Variants in BTD observed in about 807,000 individuals in gnomAD.
BTD encodes the protein biocytinase.
A neutral mutation model predicts 17.7 loss-of-function variants in BTD; 13 were observed. The ratio of observed to expected loss-of-function variants is 0.74; its 90% CI spans 0.48 to 1.17. The LOEUF is 1.17. BTD is among the 50% of genes most tolerant of loss of function. BTD has a pLI of 0.00. For synonymous variants in BTD, 240 were observed against 245.2 expected (o/e 0.98, Z 0.20); for missense variants, 674 against 650.4 (o/e 1.04, Z -0.39).
rs745926309 is a variant in BTD at position 15,685,298 on chromosome 3, C to T, written c.400-24762C>T. Reference sequence around the variant, plus strand: ...GTGGCTGGATTTGCATCCATAGATGCTGCTGACTGCAAAAGGGCTCCAAGA... The same window carrying T: ...GTGGCTGGATTTGCATCCATAGATGTTGCTGACTGCAAAAGGGCTCCAAGA... On this transcript the variant is annotated intron_variant, in intron 3 of 3. Coordinates refer to the BTD transcript ENST00000672141. 5 of 1,614,000 alleles carry T rather than the reference C, an allele frequency of 3.1e-6. No individual in the cohort carries two copies. The Admixed American group carries it at 6.7e-5, about 22-fold the overall frequency.
chr3:15,717,015 T>G (rs940272978), downstream of BTD, among the ~76,000 whole-genome samples: 5 of 152,238 alleles, frequency 3.3e-5, no homozygotes, highest in Non-Finnish European at 5.9e-5. Flanking sequence ...ATATATATTA[T>G]TTAATTCTCA....
chr3:15,698,175 G>A (rs1054399565), intron 3 of BTD, among the ~76,000 whole-genome samples: 26 of 152,124 alleles, frequency 1.7e-4, no homozygotes, highest in South Asian at 2.1e-4. Flanking sequence ...AAAGGCCTTC[G>A]ACAAAATTCA....
chr3:15,687,195 G>A lies in BTD; in HGVS notation c.400-22865G>A, dbSNP rs543697015. Among the ~76,000 whole-genome samples the A allele has an allele frequency of 8.6e-5, 13 of 151,712 alleles. No individual in the cohort carries two copies. In the South Asian group the frequency reaches 1.3e-3, roughly 15 times the overall value. ...CCTGACCTCATGATCCACCCACCTC[G>A]GCCTCCCAAAGTGCTGGGATTACAG... is the stretch of plus-strand genomic sequence containing the variant. On this transcript the variant is annotated intron_variant, in intron 3 of 3. Transcript: ENST00000672141.
Position 15,603,028 on chromosome 3 carries a change from T to G in BTD, c.-17+1134T>G, listed in dbSNP as rs556915956. ...AGAGCGTGTGCAGGGGAACTGCCCT[T>G]TATAAAACCATCAGATCTCATGAGA... On this transcript the variant is annotated intron_variant, in intron 1 of 3. Transcript: ENST00000643237. 2.2e-4 allele frequency among the ~76,000 whole-genome samples: 34 copies of G among 152,102 alleles called. No homozygotes were observed. The South Asian group carries it at 6.7e-3, about 30-fold the overall frequency.
intron 3 of BTD, 75 bp downstream of exon 3, chr3:15,642,132 A>G: frequency 6.3e-7 from 1 of 1,588,154 alleles, no homozygotes; most frequent in Non-Finnish European, 8.6e-7. Flanking sequence ...AAGCTGTGAC[A>G]TGTTAACTAA....
intron 2 of BTD, among the ~76,000 whole-genome samples, chr3:15,640,468 G>A (rs1283650117): frequency 1.3e-5 from 2 of 150,802 alleles, no homozygotes; most frequent in Admixed American, 6.6e-5. Flanking sequence ...TCAGCTCACC[G>A]CAACCTCTGC....
At chr3:15,683,151 T>C (rs747488491) in intron 3 of BTD, among the ~76,000 whole-genome samples, 1 of 152,192 alleles carries the variant, frequency 6.6e-6, no homozygotes, top group Non-Finnish European at 1.5e-5. Context: ...AGGAAAAATA[T>C]CTCACTGTGT....
At position 15,651,063 on chromosome 3, in the gene BTD, C is replaced by T. The variant is rs975346275; in HGVS notation, c.*5575C>T. The stretch of plus-strand genomic sequence containing the variant: ...GATTACAGGCGTGAGCCACCGTACC[C>T]GGCCAGGGCTGTGATATTCTGATCA... On this transcript the variant is annotated 3_prime_UTR_variant, in exon 4 of 4. Transcript: ENST00000643237. Among the ~76,000 whole-genome samples, 3 of 152,178 alleles carry T rather than the reference C, an allele frequency of 2.0e-5. No individual in the cohort carries two copies. Among genetic ancestry groups the T allele is most frequent in the African/African-American group, 7.2e-5 (3 of 41,444 alleles).
chr3:15,712,908 A>C (rs2072511475), downstream of BTD, among the ~76,000 whole-genome samples: 2 of 152,250 alleles, frequency 1.3e-5, no homozygotes, highest in Admixed American at 1.3e-4. Flanking sequence ...CATTACAGAA[A>C]GTAAAAAAGA....
At position 15,635,309 on chromosome 3, in the gene BTD, C is replaced by T. The variant is rs2125452108; in HGVS notation, c.-16-115C>T. 2.7e-6 allele frequency: 4 copies of T among 1,477,214 alleles called. No individual in the cohort carries two copies. Among genetic ancestry groups the T allele is most frequent in the Non-Finnish European group, 2.8e-6 (3 of 1,064,466 alleles). 91.5% of individuals were successfully genotyped at this position (1,477,214 alleles called of 1,614,324 possible). ...AACATGAAACAAACTCTTTGAGCCGCAGTATCACTGCGAGTGAGTTTAATT... is the reference window on the plus strand; with the variant it reads ...AACATGAAACAAACTCTTTGAGCCGTAGTATCACTGCGAGTGAGTTTAATT... On this transcript the variant is annotated intron_variant, in intron 1 of 3. Transcript: ENST00000643237. The surrounding 1 kb of genome is among the most constrained non-coding windows in gnomAD (Gnocchi z 4.1).
At chr3:15,605,871 C>G (rs1377171116) in intron 1 of BTD, among the ~76,000 whole-genome samples, 2 of 151,740 alleles carry the variant, frequency 1.3e-5, no homozygotes, top group African/African-American at 4.8e-5. Flanking sequence ...TGGTGAAACC[C>G]CATCTCTGCT....
intron 2 of BTD, among the ~76,000 whole-genome samples, chr3:15,637,441 A>G (rs1316161889): frequency 1.3e-5 from 2 of 152,146 alleles, no homozygotes; most frequent in Non-Finnish European, 2.9e-5. Context: ...TCCTGTACTT[A>G]TAAATTATAA....
intron 1 of BTD, among the ~76,000 whole-genome samples, chr3:15,614,662 A>G (rs2064742129): frequency 7.0e-6 from 1 of 142,640 alleles, no homozygotes; most frequent in African/African-American, 2.7e-5. Context: ...TAGTGGTGTG[A>G]TCTTAGCTCA....
In BTD at chr3:15,676,104, C is replaced by A. The variant is rs766505812; in HGVS notation, c.400-33956C>A. 4 of 711,248 alleles carry A rather than the reference C, an allele frequency of 5.6e-6. No homozygotes were observed. The Admixed American group carries it at 8.7e-5, about 15-fold the overall frequency. 44.1% of individuals were successfully genotyped at this position (711,248 alleles called of 1,614,324 possible). A position where few individuals can be genotyped will look rare whatever the true frequency, so the allele number is the denominator to read the frequency against. On this transcript the variant is annotated intron_variant, in intron 3 of 3. Coordinates refer to the BTD transcript ENST00000672141. ...ACTTGTGAAGACCAAGAGGTACAAA[C>A]TCGAGAAACCTAGTCCTAATAACAA...
chr3:15,625,491 C>T (rs7621332), intron 1 of BTD, among the ~76,000 whole-genome samples: 2,421 of 152,190 alleles, frequency 0.016, 64 homozygotes, highest in African/African-American at 0.052. Flanking sequence ...TACAAAAGTG[C>T]GGGTGCCTCC....
chr3:15,631,163 C>T (rs1158140168), intron 1 of BTD, among the ~76,000 whole-genome samples: 2 of 152,192 alleles, frequency 1.3e-5, no homozygotes, highest in Non-Finnish European at 1.5e-5. Context: ...TCAGTCACTA[C>T]ACATAGAAAT....
At position 15,647,460 on chromosome 3, in the gene BTD, C is replaced by T. The variant is rs966467476; in HGVS notation, c.*1972C>T. The T allele has an allele frequency of 4.6e-5, 7 of 152,194 alleles. No homozygotes were observed. The highest frequency in any genetic ancestry group is 5.9e-5 in the Non-Finnish European group (4 of 68,040). 9.4% of individuals were successfully genotyped at this position (152,194 alleles called of 1,614,324 possible). A position where few individuals can be genotyped will look rare whatever the true frequency, so the allele number is the denominator to read the frequency against. Reference sequence around the variant, plus strand: ...TTCTGCCCTTCTGGGCAGAGCACCACGAACTTTCCCTGAGTTATTTTCTAC... The same window carrying T: ...TTCTGCCCTTCTGGGCAGAGCACCATGAACTTTCCCTGAGTTATTTTCTAC... On this transcript the variant is annotated 3_prime_UTR_variant, in exon 4 of 4. Coordinates refer to ENST00000643237, the MANE Select transcript of BTD (RefSeq NM_001370658.1).
rs1319831136 is a variant in BTD at position 15,695,043 on chromosome 3, C to A, written c.400-15017C>A. On this transcript the variant is annotated intron_variant, in intron 3 of 3. Coordinates refer to the BTD transcript ENST00000672141. Reference sequence around the variant, plus strand: ...TGCCACCAAGTAAACATCTTCCTTTCCTCTGTACACATGATTTCTGTCACC... The same window carrying A: ...TGCCACCAAGTAAACATCTTCCTTTACTCTGTACACATGATTTCTGTCACC... 10 of 763,784 alleles carry A rather than the reference C, an allele frequency of 1.3e-5. No individual in the cohort carries two copies. The East Asian group carries it at 2.4e-4, about 18-fold the overall frequency. The allele number at this position is 763,784 out of a possible 1,614,324, so 47.3% of individuals were successfully genotyped here.
intron 1 of BTD, chr3:15,602,396 C>A: frequency 2.3e-6 from 2 of 876,622 alleles, no homozygotes; most frequent in East Asian, 1.1e-4. Context: ...GGAACTATGG[C>A]GTTTCATAAT....
Sources: gnomAD v4.1 joint callset for allele counts (sites outside exome capture counted in the v4.1 genomes callset) on GRCh38, gnomAD v4.1.1 for gene constraint, Gnocchi (gnomAD v3.1) non-coding constraint, MANE v1.5 for transcripts, NCBI Gene and HGNC (gene_info 2026-07-23, HGNC 2026-07-21) for gene names.